The following GPHN variants were observed in gnomAD, a reference collection of about 807,000 sequenced individuals.
GPHN encodes gephyrin.
Under a neutral mutation model 95.5 loss-of-function variants are expected in GPHN, and 17 were observed. That is an observed-to-expected ratio of 0.18 (90% CI 0.12 to 0.27). The LOEUF is 0.27. Ranked by LOEUF, GPHN falls within the 10% of genes least tolerant of loss-of-function variation. GPHN has a pLI of 1.00. For missense variants in GPHN, 660 were observed against 978.1 expected (o/e 0.67, Z 4.34); for synonymous variants, 320 against 322.5 (o/e 0.99, Z 0.08).
At chr14:67,328,384 C>T in the GPHN span, among the ~76,000 whole-genome samples, 1 of 152,038 alleles carries the variant, frequency 6.6e-6, no homozygotes, top group Admixed American at 6.6e-5. Context: ...GGATATTAGC[C>T]CTTTGTCAGA....
intron 1 of GPHN, among the ~76,000 whole-genome samples, chr14:66,658,802 A>G (rs2065457797): frequency 6.6e-6 from 1 of 152,022 alleles, no homozygotes; most frequent in South Asian, 2.1e-4. Flanking sequence ...GTGGTGGCCT[A>G]GTACTGAACA....
At chr14:67,177,447 T>A (rs372644385) in intron 21 of GPHN, among the ~76,000 whole-genome samples, 2 of 152,204 alleles carry the variant, frequency 1.3e-5, no homozygotes, top group South Asian at 2.1e-4. Flanking sequence ...GAGAGACAGT[T>A]TGTTGTGATT....
intron 10 of GPHN, among the ~76,000 whole-genome samples, chr14:67,051,067 T>C (rs1349389803): frequency 1.4e-5 from 2 of 142,880 alleles, no homozygotes; most frequent in African/African-American, 5.2e-5. Context: ...AGGTGGAGAC[T>C]GCCTAAGACA....
the GPHN span, among the ~76,000 whole-genome samples, chr14:67,190,027 G>T: frequency 6.9e-6 from 1 of 145,802 alleles, no homozygotes; most frequent in Non-Finnish European, 1.5e-5. Flanking sequence ...TTTTTTTTAA[G>T]TAGAGACAGG....
chr14:67,177,372 A>G (rs1256736395), intron 21 of GPHN, among the ~76,000 whole-genome samples: 2 of 152,116 alleles, frequency 1.3e-5, no homozygotes, highest in African/African-American at 4.8e-5. Flanking sequence ...TTCAGTTTCC[A>G]TGTAGTTGTG....
At chr14:67,170,003 G>A (rs140388706) in intron 21 of GPHN, among the ~76,000 whole-genome samples, 7,769 of 152,194 alleles carry the variant, frequency 0.051, 215 homozygotes, top group Middle Eastern at 0.068. Flanking sequence ...GCTTGAACCC[G>A]GGAGGCGGAG....
chr14:67,360,516 G>C, the GPHN span: 9 of 296,188 alleles, frequency 3.0e-5, no homozygotes. Flanking sequence ...CCAGTGACAT[G>C]GGTGTTCGAG....
At chr14:67,344,050 A>G in the GPHN span, among the ~76,000 whole-genome samples, 1 of 152,226 alleles carries the variant, frequency 6.6e-6, no homozygotes, top group African/African-American at 2.4e-5. Context: ...GACTGCTGAC[A>G]TACTGATTAA....
intron 1 of GPHN, among the ~76,000 whole-genome samples, chr14:66,611,864 C>G (rs755556229): frequency 6.6e-6 from 1 of 152,126 alleles, no homozygotes; most frequent in Non-Finnish European, 1.5e-5. Flanking sequence ...CTATTCTTCA[C>G]TGCTAGATGA....
the GPHN span, among the ~76,000 whole-genome samples, chr14:67,284,438 A>AAAAAAAAACAAAAAAAAC: frequency 6.9e-6 from 1 of 145,720 alleles, no homozygotes; most frequent in Non-Finnish European, 1.5e-5. Flanking sequence ...TTAAAAAAAA[A>AAAAAAAAACAAAAAAAAC]AAAAAACAGC....
At chr14:67,332,900 T>C in the GPHN span, 6 of 1,613,832 alleles carry the variant, frequency 3.7e-6, no homozygotes, top group Non-Finnish European at 4.2e-6. Flanking sequence ...ATTGCTTAGG[T>C]TAATTAACAA....
chr14:66,910,294 T>G (rs1211822794), intron 5 of GPHN, among the ~76,000 whole-genome samples: 1 of 151,954 alleles, frequency 6.6e-6, no homozygotes, highest in Non-Finnish European at 1.5e-5. Context: ...TATACCAAAT[T>G]GAAAGAATTT....
At chr14:67,541,856 G>A in the GPHN span, 3 of 1,587,164 alleles carry the variant, frequency 1.9e-6, no homozygotes, top group Admixed American at 3.6e-5. Flanking sequence ...TAATCCAGAA[G>A]TCGATTCCAT....
intron 1 of GPHN, among the ~76,000 whole-genome samples, chr14:66,545,590 C>T (rs2059543089): frequency 5.3e-5 from 6 of 113,884 alleles, no homozygotes; most frequent in Admixed American, 8.4e-5. Flanking sequence ...CCGGACGGGG[C>T]GGCTGGCCGG....
At chr14:67,164,356 A>G (rs759960917) in intron 19 of GPHN, among the ~76,000 whole-genome samples, 1 of 150,654 alleles carries the variant, frequency 6.6e-6, no homozygotes, top group Admixed American at 6.6e-5. Context: ...TAATGTCTTG[A>G]TAAGAGGGAA....
At chr14:67,662,531 T>C in the GPHN span, 1 of 1,611,186 alleles carries the variant, frequency 6.2e-7, no homozygotes, top group African/African-American at 1.3e-5. Flanking sequence ...ATTTCTTCTT[T>C]TCTTCTAGAA....
chr14:67,725,889 A>G, the GPHN span, among the ~76,000 whole-genome samples: 1 of 152,240 alleles, frequency 6.6e-6, no homozygotes, highest in Non-Finnish European at 1.5e-5. Context: ...CTGAGGCAAT[A>G]CCTTGTTTTA....
At chr14:66,951,963 T>A (rs1239186091) in intron 8 of GPHN, among the ~76,000 whole-genome samples, 1 of 152,200 alleles carries the variant, frequency 6.6e-6, no homozygotes, top group African/African-American at 2.4e-5. Flanking sequence ...CTTTTATAGA[T>A]TTTTACAGAA....
chr14:66,570,256 G>A (rs1044522766), intron 1 of GPHN, among the ~76,000 whole-genome samples: 1 of 150,970 alleles, frequency 6.6e-6, no homozygotes, highest in African/African-American at 2.4e-5. Flanking sequence ...AATAAAACAT[G>A]GGAGTGCAGA....
Sources: gnomAD v4.1 joint callset for allele counts (sites outside exome capture counted in the v4.1 genomes callset) on GRCh38, gnomAD v4.1.1 for gene constraint, MANE v1.5 for transcripts, NCBI Gene and HGNC (gene_info 2026-07-23, HGNC 2026-07-21) for gene names.